Variants in MYO9A observed in about 807,000 individuals in gnomAD.
The protein encoded by MYO9A is myosin IXA.
In MYO9A, 103 loss-of-function variants were observed where a neutral mutation model predicts 293.3. That is an observed-to-expected ratio of 0.35 (90% CI 0.30 to 0.41). MYO9A has a LOEUF of 0.41. Ranked by LOEUF, MYO9A falls within the 10% of genes least tolerant of loss-of-function variation. The pLI, the probability that MYO9A is intolerant of heterozygous loss-of-function variation, is 1.00. For synonymous variants in MYO9A, 1,001 were observed against 1,035.7 expected (o/e 0.97, Z 0.64); for missense variants, 2,685 against 3,033.0 (o/e 0.89, Z 2.69).
chr15:71,998,579 T>C (rs1368980406), intron 9 of MYO9A, among the ~76,000 whole-genome samples: 17 of 151,502 alleles, frequency 1.1e-4, no homozygotes, highest in African/African-American at 2.4e-5. Context: ...TTTTTTCTTT[T>C]TATTATTATT....
chr15:72,011,720 G>T (rs1324193253), intron 6 of MYO9A, among the ~76,000 whole-genome samples: 5 of 152,160 alleles, frequency 3.3e-5, no homozygotes, highest in Non-Finnish European at 7.4e-5. Context: ...AAAACAATAA[G>T]TGAGTCATAA....
In MYO9A at chr15:71,956,861, ATATATATATAT is replaced by A. The variant is rs1251955778; in HGVS notation, c.2182+3029_2182+3039del. The stretch of plus-strand genomic sequence containing the variant: ...TACACACACACACACACACACACAA[ATATATATATAT>A]ATATATATATATCTTAATGCTTTCA... On this transcript the variant is annotated intron_variant, in intron 14 of 41. Transcript: ENST00000356056. Among the ~76,000 whole-genome samples, 11 of 34,288 alleles carry A rather than the reference ATATATATATAT, an allele frequency of 3.2e-4. No individual in the cohort carries two copies. In the Admixed American group the frequency reaches 3.4e-3, roughly 11 times the overall value. 22.5% of individuals were successfully genotyped at this position (34,288 alleles called of 152,430 possible).
intron 1 of MYO9A, among the ~76,000 whole-genome samples, chr15:72,102,023 A>G (rs1468613510): frequency 6.7e-6 from 1 of 150,232 alleles, no homozygotes; most frequent in Non-Finnish European, 1.5e-5. Context: ...CCAGGATGAC[A>G]ATGGCGGCTT....
At chr15:71,855,185 G>T (rs991922412) in intron 34 of MYO9A, among the ~76,000 whole-genome samples, 1 of 152,094 alleles carries the variant, frequency 6.6e-6, no homozygotes, top group Non-Finnish European at 1.5e-5. Context: ...ACCCAGGCTG[G>T]AGTGCAGTGA....
intron 4 of MYO9A, among the ~76,000 whole-genome samples, chr15:72,025,135 A>T (rs1458114441): frequency 6.6e-6 from 1 of 152,108 alleles, no homozygotes; most frequent in East Asian, 1.9e-4. Flanking sequence ...AAAAGATGGA[A>T]AAAAAAGTTA....
intron 4 of MYO9A, 141 bp downstream of exon 4, chr15:72,027,590 C>T: frequency 3.2e-6 from 2 of 623,334 alleles, no homozygotes; most frequent in Non-Finnish European, 5.5e-6. Flanking sequence ...CAAAGTTCTG[C>T]CCATGACAGA....
intron 6 of MYO9A, 54 bp downstream of exon 6, chr15:72,018,985 G>A (rs756123479): frequency 1.3e-5 from 18 of 1,385,568 alleles, no homozygotes; most frequent in Admixed American, 3.4e-5. Flanking sequence ...ATGCAAATGC[G>A]CAATGTGAGG....
intron 15 of MYO9A, among the ~76,000 whole-genome samples, chr15:71,946,947 C>T (rs1285326813): frequency 2.0e-5 from 3 of 152,116 alleles, no homozygotes; most frequent in African/African-American, 7.2e-5. Flanking sequence ...GACTCCATCT[C>T]CACAAATAAA....
Position 71,999,917 on chromosome 15 carries a change from T to C in MYO9A, c.1404A>G (p.Glu468=), listed in dbSNP as rs776043920. The C allele has an allele frequency of 6.8e-6, 11 of 1,612,200 alleles. No homozygotes were observed. The highest frequency in any genetic ancestry group is 9.3e-6 in the Non-Finnish European group (11 of 1,179,336). The change falls in exon 9 of 42, where the codon GAA becomes GAG. Residue 468 remains glutamate (E), a synonymous_variant. Coordinates refer to ENST00000356056, the MANE Select transcript of MYO9A (RefSeq NM_006901.4). Reference sequence around the variant, plus strand: ...TCACCGTCTTCCTTGTAACTAATGCTTCAAATAGCATCTCTTCTTTAACCT... The same window carrying C: ...TCACCGTCTTCCTTGTAACTAATGCCTCAAATAGCATCTCTTCTTTAACCT... ...LLEVKEEMLF[E]ALVTRKTVTV...
chr15:71,961,598 A>C (rs1481424408), intron 13 of MYO9A, among the ~76,000 whole-genome samples: 1 of 152,246 alleles, frequency 6.6e-6, no homozygotes, highest in Non-Finnish European at 1.5e-5. Context: ...GAGAGAGGTG[A>C]AATATCTTGG....
chr15:72,020,008 T>C (rs985238965), intron 5 of MYO9A, among the ~76,000 whole-genome samples: 8 of 152,188 alleles, frequency 5.3e-5, no homozygotes, highest in Non-Finnish European at 1.0e-4. Context: ...TGCCTCAGCT[T>C]ACCAAAGTAC....
At chr15:71,904,072 C>T (rs1423894484) in intron 20 of MYO9A, 33 bp from the exon 21 acceptor site, 1 of 1,475,672 alleles carries the variant, frequency 6.8e-7, no homozygotes, top group Non-Finnish European at 9.4e-7. Flanking sequence ...TAACCCAGAA[C>T]AGTAGATCTC....
At position 71,903,929 on chromosome 15, in the gene MYO9A, C is replaced by T; in HGVS notation, c.2877G>A (p.Gln959=). 6.2e-7 allele frequency: 1 copy of T among 1,612,568 alleles called. No homozygotes were observed. The highest frequency in any genetic ancestry group is 8.5e-7 in the Non-Finnish European group (1 of 1,179,026). Residue 959 remains glutamine (Q), a splice_region_variant and synonymous_variant, in exon 21 of 42, where the codon CAG becomes CAA. Coordinates refer to ENST00000356056, the MANE Select transcript of MYO9A (RefSeq NM_006901.4). ...GTAAATATCACTATAAAAACAGAAC[C>T]TGGAAAGAATATTTGGAGCTGTATC... ...QSGYSSKYSF[Q]DFVSHFHVLL...
intron 1 of MYO9A, among the ~76,000 whole-genome samples, chr15:72,053,506 A>G (rs552990021): frequency 9.2e-5 from 14 of 152,374 alleles, no homozygotes; most frequent in Middle Eastern, 3.4e-3. Flanking sequence ...AATGTCCTTT[A>G]TAGCAATATG....
chr15:71,913,642 T>C (rs1359296875), intron 19 of MYO9A, among the ~76,000 whole-genome samples: 1 of 152,198 alleles, frequency 6.6e-6, no homozygotes, highest in Non-Finnish European at 1.5e-5. Flanking sequence ...GCCTGCCTTG[T>C]AATTTCTCAT....
intron 2 of MYO9A, among the ~76,000 whole-genome samples, chr15:72,036,326 C>CCT (rs1314545736): frequency 6.6e-6 from 1 of 152,020 alleles, no homozygotes. Context: ...CTCTAAACAT[C>CCT]CTCTCCTTCA....
At position 71,880,478 on chromosome 15, in the gene MYO9A, C is replaced by G; in HGVS notation, c.5479G>C (p.Glu1827Gln). The change falls in exon 29 of 42, where the codon GAA becomes CAA. Residue 1827 changes from glutamate (E) to glutamine (Q), a missense_variant. Physicochemically the swap from Glu to Gln is conservative, Grantham distance 29. This residue lies in a region of MYO9A where 1,434 missense variants were observed against 1,497.7 expected (regional missense o/e 0.96). Coordinates refer to ENST00000356056, the MANE Select transcript of MYO9A (RefSeq NM_006901.4). ...SCRKEFKENK[E>Q]PSPKAKRKRS... The stretch of plus-strand genomic sequence containing the variant: ...TTGCGCTTAGCCTTTGGAGAAGGTT[C>G]TTTGTTCTCTTTGAATTCCTTCCGG... The G allele has an allele frequency of 6.2e-7, 1 of 1,614,206 alleles. No individual in the cohort carries two copies. The highest frequency in any genetic ancestry group is 8.5e-7 in the Non-Finnish European group (1 of 1,180,010).
intron 18 of MYO9A, among the ~76,000 whole-genome samples, chr15:71,921,405 A>G (rs141255864): frequency 2.7e-4 from 41 of 152,334 alleles, no homozygotes; most frequent in African/African-American, 9.4e-4. Flanking sequence ...GCTCCCTGTA[A>G]TAACAAGGAT....
chr15:72,053,548 C>T (rs1298826053), intron 1 of MYO9A, among the ~76,000 whole-genome samples: 3 of 152,194 alleles, frequency 2.0e-5, no homozygotes, highest in African/African-American at 7.2e-5. Context: ...CCTAAGCAAA[C>T]TAACGCAAGA....
Sources: allele counts gnomAD v4.1 joint callset (sites outside exome capture counted in the v4.1 genomes callset), GRCh38; gene constraint gnomAD v4.1.1; regional missense constraint gnomAD v4.1.1; transcripts MANE v1.5; gene names NCBI Gene and HGNC (gene_info 2026-07-23, HGNC 2026-07-21).